The following TDRD3 variants were observed in gnomAD, a reference collection of about 807,000 sequenced individuals.
TDRD3 encodes tudor domain-containing protein 3.
Under a neutral mutation model 86.7 loss-of-function variants are expected in TDRD3, and 45 were observed. That is an observed-to-expected ratio of 0.52 (90% confidence interval 0.41 to 0.67). The LOEUF is 0.67. TDRD3 is among the 30% of genes least tolerant of loss of function. The pLI is 0.00. For missense variants in TDRD3, 814 were observed against 889.0 expected, an observed-to-expected ratio of 0.92 and a Z score of 1.07; for synonymous variants, 298 against 301.7, an observed-to-expected ratio of 0.99 and a Z score of 0.13.
At chr13:60,464,032 C>T (rs1378394906) in intron 4 of TDRD3, among the ~76,000 whole-genome samples, 2 of 152,076 alleles carry the variant, frequency 1.3e-5, no homozygotes, top group Non-Finnish European at 2.9e-5. Flanking sequence ...AAGAGCCTGG[C>T]ACCTCCCTCT....
chr13:60,430,107 G>A (rs1330509761), intron 1 of TDRD3, among the ~76,000 whole-genome samples: 1 of 152,096 alleles, frequency 6.6e-6, no homozygotes, highest in African/African-American at 2.4e-5. Context: ...GGTCCCACAT[G>A]TATTGAAAGG....
intron 12 of TDRD3, among the ~76,000 whole-genome samples, chr13:60,551,472 T>G (rs183918979): frequency 4.4e-4 from 67 of 152,304 alleles, no homozygotes; most frequent in African/African-American, 1.5e-3. Flanking sequence ...CTGAAAGTAA[T>G]GCTTGTTGCC....
chr13:60,402,943 G>A (rs1379951059), intron 1 of TDRD3, among the ~76,000 whole-genome samples: 4 of 152,060 alleles, frequency 2.6e-5, no homozygotes, highest in African/African-American at 9.7e-5. Flanking sequence ...ATGAACATTT[G>A]TAACTATCTC....
rs1453439951 is a variant in TDRD3, at chr13:60,509,840, T to C, written c.936T>C (p.Asn312=). ...KEASRQALMD[N]GNNLEAALNV... ...CATCGAGGCAAGCTCTTATGGATAA[T>C]GGCAACAACTTAGAAGCAGCACTGA... The change falls in exon 9 of 14, where the codon AAT becomes AAC. Residue 312 remains asparagine (N), a synonymous_variant. Coordinates refer to ENST00000377881, the MANE Select transcript of TDRD3 (RefSeq NM_001146070.2). 6.2e-7 allele frequency: 1 copy of C among 1,613,804 alleles called. No individual in the cohort carries two copies. Among genetic ancestry groups the C allele is most frequent in the African/African-American group, 1.3e-5 (1 of 74,922 alleles).
intron 10 of TDRD3, among the ~76,000 whole-genome samples, chr13:60,512,844 G>T (rs577789206): frequency 4.1e-4 from 63 of 152,188 alleles, no homozygotes; most frequent in Non-Finnish European, 7.2e-4. Flanking sequence ...AGTGTCTGTG[G>T]CTTTTCCAGG....
chr13:60,445,792 C>T (rs1294154729), intron 3 of TDRD3, among the ~76,000 whole-genome samples: 3 of 152,136 alleles, frequency 2.0e-5, no homozygotes, highest in Non-Finnish European at 4.4e-5. Context: ...AGTGTCTGTA[C>T]ATCCTTACAT....
At chr13:60,452,912 A>T (rs1955581685) in intron 3 of TDRD3, among the ~76,000 whole-genome samples, 1 of 150,068 alleles carries the variant, frequency 6.7e-6, no homozygotes, top group Admixed American at 6.6e-5. Context: ...CTTCTTGATT[A>T]CTCTTGTCAG....
intron 8 of TDRD3, among the ~76,000 whole-genome samples, chr13:60,508,642 G>A (rs998826632): frequency 7.2e-5 from 11 of 152,150 alleles, no homozygotes; most frequent in African/African-American, 2.2e-4. Flanking sequence ...AGACTTAAAT[G>A]TAAGACCTAA....
intron 11 of TDRD3, 66 bp from the exon 12 acceptor site, chr13:60,535,042 C>G: frequency 1.3e-6 from 2 of 1,557,234 alleles, no homozygotes; most frequent in Non-Finnish European, 1.7e-6. Context: ...ATTTACATTT[C>G]CCTCAAATAT....
At chr13:60,476,892 A>G (rs928624133) in intron 5 of TDRD3, among the ~76,000 whole-genome samples, 11 of 152,120 alleles carry the variant, frequency 7.2e-5, no homozygotes, top group Admixed American at 2.6e-4. Context: ...TGATTTTTAT[A>G]CATTGATTTT....
chr13:60,463,145 C>T (rs941531864), intron 4 of TDRD3, among the ~76,000 whole-genome samples: 8 of 151,960 alleles, frequency 5.3e-5, no homozygotes, highest in Non-Finnish European at 1.0e-4. Flanking sequence ...GCCTGTAATC[C>T]CAGCACTTTG....
intron 1 of TDRD3, among the ~76,000 whole-genome samples, chr13:60,405,645 C>T (rs1954216881): frequency 6.6e-6 from 1 of 152,176 alleles, no homozygotes; most frequent in African/African-American, 2.4e-5. Flanking sequence ...GAGGGCAAGA[C>T]AGAGGGACAG....
At chr13:60,445,136 T>C (rs866783348) in intron 3 of TDRD3, among the ~76,000 whole-genome samples, 2 of 152,206 alleles carry the variant, frequency 1.3e-5, no homozygotes, top group African/African-American at 2.4e-5. Flanking sequence ...TATACAAATA[T>C]AAGATTATGA....
intron 3 of TDRD3, among the ~76,000 whole-genome samples, chr13:60,449,967 C>G (rs184306953): frequency 6.6e-6 from 1 of 151,930 alleles, no homozygotes. Flanking sequence ...CTAGGAGAAC[C>G]CTGGTTTTTA....
chr13:60,535,138 T>G lies in TDRD3; in HGVS notation c.2023T>G (p.Ser675Ala). 1 of 1,613,856 alleles carries G rather than the reference T, an allele frequency of 6.2e-7. No individual in the cohort carries two copies. The highest frequency in any genetic ancestry group is 1.3e-5 in the African/African-American group (1 of 74,992). Residue 675 changes from serine (S) to alanine (A), a missense_variant, in exon 12 of 14, where the codon TCT (serine) becomes GCT (alanine). Ser to Ala is a moderately conservative substitution (Grantham distance 99). Coordinates refer to ENST00000377881, the MANE Select transcript of TDRD3 (RefSeq NM_001146070.2). ...CCGGGCAGAAGTTGAAGCCCTCCAT[T>G]CTTCGGGTATGACAGCAGTTGTTAA... is the stretch of plus-strand genomic sequence containing the variant. The part of the protein sequence containing the change: ...FYRAEVEALH[S>A]SGMTAVVKFI...
At chr13:60,468,180 C>T (rs1045448801) in intron 5 of TDRD3, among the ~76,000 whole-genome samples, 2 of 152,136 alleles carry the variant, frequency 1.3e-5, no homozygotes, top group African/African-American at 2.4e-5. Flanking sequence ...TTCCAGTTTA[C>T]GTTTAATTTT....
At chr13:60,549,165 A>G (rs1957993208) in intron 12 of TDRD3, among the ~76,000 whole-genome samples, 1 of 152,168 alleles carries the variant, frequency 6.6e-6, no homozygotes. Flanking sequence ...GGGTATGTGT[A>G]TTCAATTTTA....
rs1957040657 is a variant in TDRD3 at position 60,510,774 on chromosome 13, G to C, written c.1141+19G>C. 1 of 1,426,024 alleles carries C rather than the reference G, an allele frequency of 7.0e-7. No homozygotes were observed. Among genetic ancestry groups the C allele is most frequent in the Non-Finnish European group, 9.3e-7 (1 of 1,076,004 alleles). 88.3% of individuals were successfully genotyped at this position (1,426,024 alleles called of 1,614,324 possible). A position where few individuals can be genotyped will look rare whatever the true frequency, so the allele number is the denominator to read the frequency against. On this transcript the variant is annotated intron_variant, in intron 10 of 13. Coordinates refer to ENST00000377881, the MANE Select transcript of TDRD3 (RefSeq NM_001146070.2). The stretch of plus-strand genomic sequence containing the variant: ...GTGGAAGGTAAGCTAATTTAAAGTT[G>C]ATTCCTTTTTTTTTCTTTCTTTTCT...
In TDRD3 at chr13:60,573,765, A is replaced by G. The variant is rs779310058; in HGVS notation, c.*159A>G. ...GATTTTAGGGTGGAAAAAACAGTCA[A>G]CTCACACAAAGAATGGAAAAAAATA... On this transcript the variant is annotated 3_prime_UTR_variant, in exon 14 of 14. Transcript: ENST00000377881. 1 of 579,326 alleles carries G rather than the reference A, an allele frequency of 1.7e-6. No individual in the cohort carries two copies. Among genetic ancestry groups the G allele is most frequent in the Non-Finnish European group, 2.2e-6 (1 of 459,134 alleles). 35.9% of individuals were successfully genotyped at this position (579,326 alleles called of 1,614,324 possible).
Sources: allele counts gnomAD v4.1 joint callset (sites outside exome capture counted in the v4.1 genomes callset), GRCh38; gene constraint gnomAD v4.1.1; transcripts MANE v1.5; gene names NCBI Gene and HGNC (gene_info 2026-07-23, HGNC 2026-07-21).